RXFP1: variants seen among roughly 807,000 people sequenced by gnomAD.
RXFP1 encodes relaxin family peptide receptor 1.
Under a neutral mutation model 89.8 loss-of-function variants are expected in RXFP1, and 73 were observed. The ratio of observed to expected loss-of-function variants is 0.81; its 90% CI spans 0.67 to 0.99. The LOEUF (loss-of-function observed/expected upper bound fraction) is 0.99, where lower values mean the gene tolerates loss of function less well. Ranked by LOEUF, RXFP1 falls within the 50% of genes least tolerant of loss-of-function variation. RXFP1 has a pLI of 0.00. For missense variants in RXFP1, 793 were observed against 895.5 expected (o/e 0.89, Z 1.46); for synonymous variants, 277 against 305.5 (o/e 0.91, Z 0.97).
intron 1 of RXFP1, among the ~76,000 whole-genome samples, chr4:158,570,208 G>T (rs1409587073): frequency 6.6e-6 from 1 of 152,124 alleles, no homozygotes; most frequent in Admixed American, 6.5e-5. Flanking sequence ...TTCCAACAAG[G>T]CTGGAGCCCA....
intron 8 of RXFP1, among the ~76,000 whole-genome samples, chr4:158,613,030 T>A (rs975768913): frequency 6.6e-6 from 1 of 152,216 alleles, no homozygotes; most frequent in African/African-American, 2.4e-5. Flanking sequence ...TCACACAAAT[T>A]TTTTTGGTTT....
chr4:158,633,205 T>C (rs1768450596), intron 11 of RXFP1, among the ~76,000 whole-genome samples, 200 bp from the exon 12 acceptor site: 1 of 152,124 alleles, frequency 6.6e-6, no homozygotes, highest in Admixed American at 6.5e-5. Context: ...AGTATTTGTC[T>C]TCCAGGGGAT....
intron 1 of RXFP1, among the ~76,000 whole-genome samples, chr4:158,542,109 A>ATATATATATTTTTTT: frequency 1.4e-4 from 5 of 35,238 alleles, no homozygotes; most frequent in African/African-American, 1.9e-4. Flanking sequence ...ATATATATAT[A>ATATATATATTTTTTT]TTTTTTTTTT....
At chr4:158,643,463 T>G (rs1343242241) in intron 14 of RXFP1, among the ~76,000 whole-genome samples, 1 of 132,002 alleles carries the variant, frequency 7.6e-6, no homozygotes, top group African/African-American at 2.7e-5. Context: ...CTGGATCATA[T>G]GCTAGTTTTT....
intron 1 of RXFP1, among the ~76,000 whole-genome samples, chr4:158,537,051 C>T (rs1033653973): frequency 6.8e-5 from 10 of 147,390 alleles, no homozygotes; most frequent in Non-Finnish European, 1.3e-4. Context: ...TTTGACAACG[C>T]AATTACTTTT....
intron 1 of RXFP1, among the ~76,000 whole-genome samples, chr4:158,562,016 T>C (rs1290593900): frequency 1.3e-5 from 2 of 152,176 alleles, no homozygotes; most frequent in Non-Finnish European, 2.9e-5. Flanking sequence ...TTACCTTAAA[T>C]AGTCCAGTGC....
At chr4:158,557,025 A>G (rs1196449706) in intron 1 of RXFP1, among the ~76,000 whole-genome samples, 1 of 152,182 alleles carries the variant, frequency 6.6e-6, no homozygotes, top group Non-Finnish European at 1.5e-5. Context: ...TAGAGTGACT[A>G]TGGTTAACAG....
chr4:158,532,915 C>G (rs527727963), intron 1 of RXFP1, among the ~76,000 whole-genome samples: 1 of 152,332 alleles, frequency 6.6e-6, no homozygotes, highest in Non-Finnish European at 1.5e-5. Flanking sequence ...ACAAGAATCA[C>G]TTCTGCTTAG....
At chr4:158,543,792 A>G (rs952625025) in intron 1 of RXFP1, 7 of 985,236 alleles carry the variant, frequency 7.1e-6, no homozygotes, top group Non-Finnish European at 8.4e-6. Flanking sequence ...AAATAGTATT[A>G]CAACAGCTGG....
chr4:158,644,144 T>C (rs1200143428), intron 14 of RXFP1, among the ~76,000 whole-genome samples: 2 of 150,080 alleles, frequency 1.3e-5, no homozygotes, highest in African/African-American at 4.9e-5. Context: ...CCTCCCAGGT[T>C]CACGCCATTC....
chr4:158,610,670 G>A (rs1193955338), intron 6 of RXFP1: 3 of 1,289,404 alleles, frequency 2.3e-6, no homozygotes. Context: ...AAAATGAAGA[G>A]GACTGGGCAA....
At chr4:158,585,563 A>C (rs1182746767) in intron 2 of RXFP1, among the ~76,000 whole-genome samples, 1 of 152,204 alleles carries the variant, frequency 6.6e-6, no homozygotes, top group Admixed American at 6.5e-5. Context: ...ACTTGGTACA[A>C]ATGAAATAAT....
intron 1 of RXFP1, among the ~76,000 whole-genome samples, chr4:158,546,713 G>C (rs1748523531): frequency 6.6e-6 from 1 of 151,902 alleles, no homozygotes; most frequent in Non-Finnish European, 1.5e-5. Context: ...GATAATCATG[G>C]TTTTTGTCTT....
intron 1 of RXFP1, among the ~76,000 whole-genome samples, chr4:158,567,133 C>T (rs576708289): frequency 5.3e-5 from 8 of 152,326 alleles, no homozygotes; most frequent in South Asian, 2.1e-4. Context: ...GCTGCCTCCC[C>T]GCTTGGCAGG....
At chr4:158,589,991 G>A (rs1759097377) in intron 2 of RXFP1, among the ~76,000 whole-genome samples, 3 of 152,086 alleles carry the variant, frequency 2.0e-5, no homozygotes, top group Admixed American at 6.6e-5. Flanking sequence ...GTTTGGGGCT[G>A]CAGTAAGCTA....
chr4:158,623,502 CAAA>C (rs56692438), intron 9 of RXFP1, among the ~76,000 whole-genome samples: 704 of 42,602 alleles, frequency 0.017, 7 homozygotes, highest in African/African-American at 0.043. Context: ...AACTCCATCT[CAAA>C]AAAAAAAAAA....
intron 14 of RXFP1, among the ~76,000 whole-genome samples, chr4:158,640,509 A>G (rs1770160503): frequency 6.6e-6 from 1 of 152,174 alleles, no homozygotes; most frequent in Non-Finnish European, 1.5e-5. Context: ...ATGGCGAGAG[A>G]GAAAGCCAGA....
chr4:158,645,339 T>C (rs1306762812), intron 15 of RXFP1, among the ~76,000 whole-genome samples: 1 of 152,238 alleles, frequency 6.6e-6, no homozygotes, highest in African/African-American at 2.4e-5. Context: ...CTAGGAAATT[T>C]AATCACCTTA....
chr4:158,538,960 G>T (rs1210288154), intron 1 of RXFP1, among the ~76,000 whole-genome samples: 1 of 152,118 alleles, frequency 6.6e-6, no homozygotes, highest in Non-Finnish European at 1.5e-5. Flanking sequence ...GTACAGATAG[G>T]CAGGTGAGCA....
Sources: allele counts gnomAD v4.1 joint callset (sites outside exome capture counted in the v4.1 genomes callset), GRCh38; gene constraint gnomAD v4.1.1; transcripts MANE v1.5; gene names NCBI Gene and HGNC (gene_info 2026-07-23, HGNC 2026-07-21).